EPPK1: variants seen among roughly 807,000 people sequenced by gnomAD.
The protein encoded by EPPK1 is epiplakin.
For synonymous variants in EPPK1, 1,862 were observed against 1,721.2 expected (o/e 1.08, Z -2.03); for missense variants, 3,823 against 3,673.3 (o/e 1.04, Z -1.05).
At position 143,873,017 on chromosome 8, in the gene EPPK1, T is replaced by C; in HGVS notation, c.237A>G (p.Ala79=). Residue 79 remains alanine, a synonymous_variant, in exon 2 of 2, where the codon GCA becomes GCG. Coordinates refer to ENST00000615648, the MANE Select transcript of EPPK1 (RefSeq NM_031308.4). ...CGAGGTCCACCAGGCCCCCAGTGGC[T>C]GCCTGGGCCTCTAGCAGAGCCTGCC... is the stretch of plus-strand genomic sequence containing the variant. ...GLGQALLEAQ[A]ATGGLVDLAR... 6.4e-7 allele frequency: 1 copy of C among 1,573,042 alleles called. No homozygotes were observed. Among genetic ancestry groups the C allele is most frequent in the Non-Finnish European group, 8.6e-7 (1 of 1,159,232 alleles).
chr8:143,872,765 G>T lies in EPPK1; in HGVS notation c.489C>A (p.Pro163=). ...VQLATGGLVD[P]AQGVLVAPEP... Reference sequence around the variant, plus strand: ...CAGGGGCCACGAGCACTCCCTGGGCGGGGTCCACCAGGCCCCCAGTGGCCA... The same window carrying T: ...CAGGGGCCACGAGCACTCCCTGGGCTGGGTCCACCAGGCCCCCAGTGGCCA... Residue 163 remains proline (P), a synonymous_variant, in exon 2 of 2, where the codon CCC becomes CCA. Transcript: ENST00000615648. The T allele has an allele frequency of 1.9e-6, 3 of 1,585,092 alleles. No individual in the cohort carries two copies. The highest frequency in any genetic ancestry group is 1.7e-5 in the Admixed American group (1 of 58,496).
chr8:143,870,606 A>G lies in EPPK1; in HGVS notation c.2648T>C (p.Leu883Pro), dbSNP rs1554660837. 1 of 1,607,234 alleles carries G rather than the reference A, an allele frequency of 6.2e-7. No homozygotes were observed. Among genetic ancestry groups the G allele is most frequent in the African/African-American group, 1.3e-5 (1 of 74,762 alleles). Reference protein sequence around the residue: ...QRQADIMLPALRSRVTVHQLL... With the variant: ...QRQADIMLPAPRSRVTVHQLL... Reference sequence around the variant, plus strand: ...CTGGTGGACGGTGACCCGGCTCCGCAGTGCGGGCAGCATGATGTCCGCCTG... The same window carrying G: ...CTGGTGGACGGTGACCCGGCTCCGCGGTGCGGGCAGCATGATGTCCGCCTG... Residue 883 changes from leucine to proline, a missense_variant, in exon 2 of 2, where the codon CTG (leucine) becomes CCG (proline). Coordinates refer to ENST00000615648, the MANE Select transcript of EPPK1 (RefSeq NM_031308.4). The surrounding 1 kb of genome is among the most constrained non-coding windows in gnomAD (Gnocchi z 5.2).
At position 143,867,509 on chromosome 8, in the gene EPPK1, C is replaced by T. The variant is rs1239483800; in HGVS notation, c.5745G>A (p.Glu1915=). 5.6e-6 allele frequency: 9 copies of T among 1,612,548 alleles called. No homozygotes were observed. The highest frequency in any genetic ancestry group is 1.3e-5 in the African/African-American group (1 of 74,932). Residue 1915 remains glutamate, a synonymous_variant, in exon 2 of 2, where the codon GAG becomes GAA. Transcript: ENST00000615648. ...CAGGGATGAGCTCCTTCCTGCTGGCCTCATGGAGGCTCATGACCTCCCTGG... is the reference window on the plus strand; with the variant it reads ...CAGGGATGAGCTCCTTCCTGCTGGCTTCATGGAGGCTCATGACCTCCCTGG... ...PSTREVMSLH[E]ASRKELIPAA... is the part of the protein sequence containing the mutation.
Position 143,872,024 on chromosome 8 carries a change from C to G in EPPK1, c.1230G>C (p.Arg410Ser). ...GGGCGGCCTCCAGGGGCAGCCGGAG[C>G]CTGCGTGCTGGACAGACCAGCCCGC... ...ATGGLVCPAR[R>S]LRLPLEAALR... Residue 410 changes from arginine (R) to serine (S), a missense_variant, in exon 2 of 2, where the codon AGG becomes AGC. Physicochemically the swap from Arg to Ser is moderately radical, Grantham distance 110. Transcript: ENST00000615648. 3 of 1,563,412 alleles carry G rather than the reference C, an allele frequency of 1.9e-6. No individual in the cohort carries two copies. Among genetic ancestry groups the G allele is most frequent in the Non-Finnish European group, 2.6e-6 (3 of 1,156,336 alleles).
At chr8:143,875,519 C>T (rs982121549) in intron 1 of EPPK1, among the ~76,000 whole-genome samples, 3 of 152,252 alleles carry the variant, frequency 2.0e-5, no homozygotes, top group East Asian at 1.9e-4. Flanking sequence ...TCAGCTGTCC[C>T]GAGGGACCGT....
In EPPK1 at chr8:143,870,181, C is replaced by T. The variant is rs1554660658; in HGVS notation, c.3073G>A (p.Ala1025Thr). 7 of 1,611,482 alleles carry T rather than the reference C, an allele frequency of 4.3e-6. No individual in the cohort carries two copies. Among genetic ancestry groups the T allele is most frequent in the Admixed American group, 1.7e-5 (1 of 59,858 alleles). ...CAAGGGATGAGACCTTTCTTCATGG[C>T]CTGGAACACAGACACCTGCTTCCCA... ...FSGKQVSVFQAMKKGLIPWEQ... is the reference protein window; with the variant it reads ...FSGKQVSVFQTMKKGLIPWEQ... The change falls in exon 2 of 2, where the codon GCC (alanine) becomes ACC (threonine). Residue 1025 changes from alanine (A) to threonine (T), a missense_variant. Transcript: ENST00000615648. This position sits in a 1 kb window ranked among gnomAD's most constrained non-coding sequence, Gnocchi z 5.2.
rs1340802617 is a variant in EPPK1 at position 143,872,028 on chromosome 8, C to G, written c.1226G>C (p.Arg409Pro). 2 of 1,561,142 alleles carry G rather than the reference C, an allele frequency of 1.3e-6. No individual in the cohort carries two copies. Among genetic ancestry groups the G allele is most frequent in the Non-Finnish European group, 1.7e-6 (2 of 1,154,944 alleles). Residue 409 changes from arginine to proline, a missense_variant, in exon 2 of 2, where the codon CGC (arginine) becomes CCC (proline). Coordinates refer to ENST00000615648, the MANE Select transcript of EPPK1 (RefSeq NM_031308.4). Reference sequence around the variant, plus strand: ...GGCCTCCAGGGGCAGCCGGAGCCTGCGTGCTGGACAGACCAGCCCGCCTGT... The same window carrying G: ...GGCCTCCAGGGGCAGCCGGAGCCTGGGTGCTGGACAGACCAGCCCGCCTGT... Reference protein sequence around the residue: ...LATGGLVCPARRLRLPLEAAL... With the variant: ...LATGGLVCPAPRLRLPLEAAL...
intron 1 of EPPK1, among the ~76,000 whole-genome samples, chr8:143,874,409 A>G (rs1042644189): frequency 2.0e-5 from 3 of 152,258 alleles, no homozygotes; most frequent in Non-Finnish European, 4.4e-5. Flanking sequence ...GTGAGGTCAT[A>G]CCGGGCTAGG....
rs1554661077 is a variant in EPPK1 at position 143,871,236 on chromosome 8, A to G, written c.2018T>C (p.Ile673Thr). The G allele has an allele frequency of 6.2e-6, 10 of 1,613,160 alleles. No homozygotes were observed. In the Admixed American group the frequency reaches 1.0e-4, roughly 16 times the overall value. ...CAGCTTCGCGAACACATCAGGCCCA[A>G]TGACAGCAGCCCTCAGTGCCTCCTC... The part of the protein sequence containing the change: ...SVEEALRAAV[I>T]GPDVFAKLLS... The change falls in exon 2 of 2, where the codon ATT becomes ACT. Residue 673 changes from isoleucine to threonine, a missense_variant. By Grantham distance (89) the Ile-to-Thr change is moderately conservative. Transcript: ENST00000615648.
rs782454996 is a variant in EPPK1, at chr8:143,870,426, C to T, written c.2828G>A (p.Arg943Gln). Residue 943 changes from arginine to glutamine, a missense_variant, in exon 2 of 2, where the codon CGG becomes CAG. Physicochemically the swap from Arg to Gln is conservative, Grantham distance 43 (BLOSUM62 1). Transcript: ENST00000615648. The surrounding 1 kb of genome is among the most constrained non-coding windows in gnomAD (Gnocchi z 5.2). ...GGVRLLPSGQ[R>Q]LSLYQAMRQK... The stretch of plus-strand genomic sequence containing the variant: ...CCTCATGGCCTGGTAGAGGCTGAGC[C>T]GCTGGCCAGAGGGCAGCAGCCGCAC... The T allele has an allele frequency of 3.8e-5, 61 of 1,594,392 alleles. No homozygotes were observed. The highest frequency in any genetic ancestry group is 5.1e-5 in the Non-Finnish European group (60 of 1,175,498).
Position 143,858,276 on chromosome 8 carries a change from A to G in EPPK1, c.14978T>C (p.Met4993Thr), listed in dbSNP as rs1554658124. The G allele has an allele frequency of 6.3e-7, 1 of 1,587,910 alleles. No homozygotes were observed. Among genetic ancestry groups the G allele is most frequent in the South Asian group, 1.1e-5 (1 of 90,144 alleles). ...CTCCCGGACGATGAGGTCCTTCTGCATGGCCTGGAAGAGGGAGATCTGCTG... is the reference window on the plus strand; with the variant it reads ...CTCCCGGACGATGAGGTCCTTCTGCGTGGCCTGGAAGAGGGAGATCTGCTG... ...TGQQISLFQAMQKDLIVREHG... is the reference protein window; with the variant it reads ...TGQQISLFQATQKDLIVREHG... Residue 4993 changes from methionine (M) to threonine (T), a missense_variant, in exon 2 of 2, where the codon ATG (methionine) becomes ACG (threonine). Transcript: ENST00000615648.
In EPPK1 at chr8:143,867,734, C is replaced by A. The variant is rs1477733044; in HGVS notation, c.5520G>T (p.Thr1840=). The A allele has an allele frequency of 1.2e-6, 2 of 1,613,628 alleles. No homozygotes were observed. The highest frequency in any genetic ancestry group is 2.7e-5 in the African/African-American group (2 of 74,896). Residue 1840 remains threonine, a synonymous_variant, in exon 2 of 2, where the codon ACG becomes ACT. Coordinates refer to ENST00000615648, the MANE Select transcript of EPPK1 (RefSeq NM_031308.4). ...CCGCCACTTTGATGCCTTGGTTTTGCGTCTCTGTTTCTTCAATTGTCGTGG... is the reference window on the plus strand; with the variant it reads ...CCGCCACTTTGATGCCTTGGTTTTGAGTCTCTGTTTCTTCAATTGTCGTGG... ...IITTTIEETE[T]QNQGIKVAAI... is the part of the protein sequence containing the mutation.
In EPPK1 at chr8:143,866,884, C is replaced by A. The variant is rs782669606; in HGVS notation, c.6370G>T (p.Ala2124Ser). Reference sequence around the variant, plus strand: ...GTCACGTATTCGGAATTCAGTAGTGCCCACAGTGTTGGTTTCTGGCCTCTG... The same window carrying A: ...GTCACGTATTCGGAATTCAGTAGTGACCACAGTGTTGGTTTCTGGCCTCTG... Reference protein sequence around the residue: ...RFRGQKPTLWALLNSEYVTEE... With the variant: ...RFRGQKPTLWSLLNSEYVTEE... The change falls in exon 2 of 2, where the codon GCA (alanine) becomes TCA (serine). Residue 2124 changes from alanine to serine, a missense_variant. Coordinates refer to ENST00000615648, the MANE Select transcript of EPPK1 (RefSeq NM_031308.4). 8 of 1,613,218 alleles carry A rather than the reference C, an allele frequency of 5.0e-6. No individual in the cohort carries two copies. In the East Asian group the frequency reaches 1.8e-4, roughly 36 times the overall value.
chr8:143,858,023 C>A lies in EPPK1; in HGVS notation c.15231G>T (p.Glu5077Asp), dbSNP rs139541872. 1 of 1,611,510 alleles carries A rather than the reference C, an allele frequency of 6.2e-7. No homozygotes were observed. The highest frequency in any genetic ancestry group is 1.3e-5 in the African/African-American group (1 of 74,862). Residue 5077 changes from glutamate to aspartate, a missense_variant, in exon 2 of 2, where the codon GAG (glutamate) becomes GAT (aspartate). Transcript: ENST00000615648. ...QLLQRATLDP[E>D]TGLLFLSLSL... The stretch of plus-strand genomic sequence containing the variant: ...AGAGAGAAAGAAATAGGAGCCCCGT[C>A]TCAGGGTCCAGGGTGGCCCTCTGCA...
chr8:143,869,982 C>T lies in EPPK1; in HGVS notation c.3272G>A (p.Gly1091Glu). The T allele has an allele frequency of 1.2e-6, 2 of 1,607,630 alleles. No individual in the cohort carries two copies. Among genetic ancestry groups the T allele is most frequent in the South Asian group, 2.2e-5 (2 of 90,228 alleles). The part of the protein sequence containing the change: ...SETFPTPDGQ[G>E]RTSYAQLLEE... ...CAGGAGCTGGGCATAGCTCGTGCGC[C>T]CCTGGCCGTCCGGTGTGGGGAAGGT... Residue 1091 changes from glycine (G) to glutamate (E), a missense_variant, in exon 2 of 2, where the codon GGG (glycine) becomes GAG (glutamate). Gly to Glu is a moderately conservative substitution (Grantham distance 98). Transcript: ENST00000615648.
chr8:143,867,287 C>T lies in EPPK1; in HGVS notation c.5967G>A (p.Leu1989=). ...RDPATGDTIP[L]FQAMQKQLIE... is the part of the protein sequence containing the mutation. Reference sequence around the variant, plus strand: ...TGAGCTGCTTCTGCATGGCCTGGAACAGCGGGATCGTGTCTCCTGTGGCCG... The same window carrying T: ...TGAGCTGCTTCTGCATGGCCTGGAATAGCGGGATCGTGTCTCCTGTGGCCG... Residue 1989 remains leucine (L), a synonymous_variant, in exon 2 of 2, where the codon CTG becomes CTA. Coordinates refer to ENST00000615648, the MANE Select transcript of EPPK1 (RefSeq NM_031308.4). The T allele has an allele frequency of 6.2e-7, 1 of 1,612,374 alleles. No homozygotes were observed. The highest frequency in any genetic ancestry group is 2.2e-5 in the East Asian group (1 of 44,866).
intron 1 of EPPK1, among the ~76,000 whole-genome samples, chr8:143,875,857 A>G (rs114685374): frequency 5.4e-4 from 82 of 152,302 alleles, no homozygotes; most frequent in African/African-American, 1.9e-3. Context: ...AGTCGGCTAT[A>G]CCACTCCAGA....
Position 143,867,211 on chromosome 8 carries a change from C to T in EPPK1, c.6043G>A (p.Gly2015Ser), listed in dbSNP as rs782195794. ...TGGTGGTGCTGTGGGTCGATGACAC[C>T]CCCCGTGGCCACCTGCACCTCCAGC... ...RLLEVQVATG[G>S]VIDPQHHHRL... The change falls in exon 2 of 2, where the codon GGT becomes AGT. Residue 2015 changes from glycine (G) to serine (S), a missense_variant. By Grantham distance (56) the Gly-to-Ser change is moderately conservative. Transcript: ENST00000615648. 29 of 1,612,684 alleles carry T rather than the reference C, an allele frequency of 1.8e-5. No homozygotes were observed. The highest frequency in any genetic ancestry group is 2.5e-5 in the Non-Finnish European group (29 of 1,179,794).
In EPPK1 at chr8:143,868,568, G is replaced by A. The variant is rs782578844; in HGVS notation, c.4686C>T (p.Ser1562=). The change falls in exon 2 of 2, where the codon AGC becomes AGT. Residue 1562 remains serine (S), a synonymous_variant. Transcript: ENST00000615648. ...TTVKEVAEMD[S]VKRSLEGGNF... ...TGCCTCCCTCCAGGGACCGCTTCACGCTGTCCATCTCCGCCACCTCCTTCA... is the reference window on the plus strand; with the variant it reads ...TGCCTCCCTCCAGGGACCGCTTCACACTGTCCATCTCCGCCACCTCCTTCA... The A allele has an allele frequency of 2.6e-5, 41 of 1,603,698 alleles. No individual in the cohort carries two copies. The highest frequency in any genetic ancestry group is 1.5e-4 in the Admixed American group (9 of 58,762).
Sources: allele counts gnomAD v4.1 joint callset (sites outside exome capture counted in the v4.1 genomes callset), GRCh38; gene constraint gnomAD v4.1.1; non-coding constraint Gnocchi (gnomAD v3.1); transcripts MANE v1.5; gene names NCBI Gene and HGNC (gene_info 2026-07-23, HGNC 2026-07-21).